Variants in AMZ1 observed in about 807,000 individuals in gnomAD.
AMZ1 encodes archaemetzincin-1.
Under a neutral mutation model 29.9 loss-of-function variants are expected in AMZ1, and 39 were observed. The observed-to-expected ratio is 1.30, with a 90% CI of 1.01 to 1.70. The LOEUF (loss-of-function observed/expected upper bound fraction) is 1.70, where lower values mean the gene tolerates loss of function less well. AMZ1 is among the 40% of genes most tolerant of loss of function. The pLI is 0.00. For missense variants in AMZ1, 1,041 were observed against 680.6 expected (o/e 1.53, Z -5.89); for synonymous variants, 458 against 304.0 (o/e 1.51, Z -5.27).
intron 4 of AMZ1, among the ~76,000 whole-genome samples, chr7:2,757,592 C>T (rs2115384829): frequency 6.6e-6 from 1 of 152,308 alleles, no homozygotes. Context: ...GAGCAGAGCA[C>T]GTGGCGAACT....
chr7:2,704,853 C>T (rs1231909391), intron 3 of AMZ1, among the ~76,000 whole-genome samples: 2 of 152,066 alleles, frequency 1.3e-5, no homozygotes, highest in East Asian at 1.9e-4. Flanking sequence ...GCCTCGGTCT[C>T]CCAAAGTGCT....
intron 4 of AMZ1, among the ~76,000 whole-genome samples, chr7:2,751,032 C>T (rs115935168): frequency 1.3e-5 from 2 of 152,088 alleles, no homozygotes; most frequent in Non-Finnish European, 2.9e-5. Flanking sequence ...GTTAAAATAT[C>T]AACACTTTTA....
chr7:2,721,491 T>G (rs752861743), downstream of AMZ1, among the ~76,000 whole-genome samples: 3 of 151,906 alleles, frequency 2.0e-5, no homozygotes, highest in Non-Finnish European at 2.9e-5. Context: ...CTGAGGTGGG[T>G]GGATCACGAG....
chr7:2,702,925 C>T (rs771828475), intron 3 of AMZ1, 36 bp downstream of exon 3: 65 of 1,545,234 alleles, frequency 4.2e-5, no homozygotes, highest in Admixed American at 1.8e-4. Context: ...CAGGCCAAGG[C>T]AGGCCCCTTC....
At position 2,702,745 on chromosome 7, in the gene AMZ1, AGCTCCCT is replaced by A. The variant is rs1562366357; in HGVS notation, c.332_338del (p.Ser111CysfsTer52). 1 of 1,538,146 alleles carries A rather than the reference AGCTCCCT, an allele frequency of 6.5e-7. No homozygotes were observed. Among genetic ancestry groups the A allele is most frequent in the Admixed American group, 2.0e-5 (1 of 50,960 alleles). Reference sequence around the variant, plus strand: ...AGACCTGAGCGAGGAGCCGGTGGGAAGCTCCCTGCTGCACCAGCTGTGCAGCTGCACA... The same window carrying A: ...AGACCTGAGCGAGGAGCCGGTGGGAAGCTGCACCAGCTGTGCAGCTGCACA... On this transcript the variant is annotated frameshift_variant, in exon 3 of 7. Coordinates refer to ENST00000683327, the MANE Select transcript of AMZ1 (RefSeq NM_001384743.1). LOFTEE classifies it high-confidence loss of function.
intron 3 of AMZ1, 113 bp downstream of exon 3, chr7:2,703,002 A>T: frequency 1.5e-6 from 2 of 1,377,112 alleles, no homozygotes; most frequent in South Asian, 2.8e-5. Context: ...TTTTGCTGGG[A>T]AACATCCATT....
intron 4 of AMZ1, among the ~76,000 whole-genome samples, chr7:2,736,067 CA>C (rs1790158236): frequency 6.6e-6 from 1 of 152,182 alleles, no homozygotes; most frequent in Non-Finnish European, 1.5e-5. Context: ...ACGGACTCCT[CA>C]AGTCTTACAG....
chr7:2,745,069 A>G (rs1030604991), intron 4 of AMZ1, among the ~76,000 whole-genome samples: 1 of 152,236 alleles, frequency 6.6e-6, no homozygotes, highest in African/African-American at 2.4e-5. Flanking sequence ...TGACAGGGAG[A>G]ATGGAACCAA....
intron 4 of AMZ1, among the ~76,000 whole-genome samples, chr7:2,754,238 G>A (rs1397894936): frequency 1.3e-5 from 2 of 152,204 alleles, no homozygotes; most frequent in East Asian, 1.9e-4. Context: ...AATGGCTGGA[G>A]AGGCTGGATG....
chr7:2,712,253 AAGG>A (rs1788828280), intron 6 of AMZ1, 74 bp from the exon 7 acceptor site: 1 of 1,434,748 alleles, frequency 7.0e-7, no homozygotes, highest in African/African-American at 1.4e-5. Flanking sequence ...CCCCTTAGGT[AAGG>A]AGGTCTCCTG....
At chr7:2,724,242 C>T (rs1404875551), downstream of AMZ1, among the ~76,000 whole-genome samples, 3 of 152,174 alleles carry the variant, frequency 2.0e-5, no homozygotes, top group Non-Finnish European at 4.4e-5. Flanking sequence ...CTTTAACAGA[C>T]GAGCTACACG....
chr7:2,724,215 G>A (rs575253995), downstream of AMZ1, among the ~76,000 whole-genome samples: 2 of 152,238 alleles, frequency 1.3e-5, no homozygotes, highest in East Asian at 3.9e-4. Context: ...CACTGCGCCC[G>A]GCCACTTCTG....
At position 2,709,195 on chromosome 7, in the gene AMZ1, G is replaced by T; in HGVS notation, c.722G>T (p.Arg241Met). 6.6e-7 allele frequency: 1 copy of T among 1,524,564 alleles called. No homozygotes were observed. Among genetic ancestry groups the T allele is most frequent in the Non-Finnish European group, 8.8e-7 (1 of 1,137,804 alleles). The allele number at this position is 1,524,564 out of a possible 1,614,324, so 94.4% of individuals were successfully genotyped here. A position where few individuals can be genotyped will look rare whatever the true frequency, so the allele number is the denominator to read the frequency against. ...ADGPEAPLQDRGWALCFSALG... is the reference protein window; with the variant it reads ...ADGPEAPLQDMGWALCFSALG... ...GGCCCCGAGGCCCCCCTGCAGGACA[G>T]GGGCTGGGCCCTGTGCTTCAGTGCC... Residue 241 changes from arginine to methionine, a missense_variant, in exon 5 of 7, where the codon AGG (arginine) becomes ATG (methionine). Transcript: ENST00000683327.
At chr7:2,756,706 T>C (rs1409072535) in intron 4 of AMZ1, among the ~76,000 whole-genome samples, 2 of 152,228 alleles carry the variant, frequency 1.3e-5, no homozygotes, top group Non-Finnish European at 1.5e-5. Context: ...TGAGCCTCGA[T>C]GACAGACGCC....
chr7:2,731,229 C>G lies in AMZ1; in HGVS notation n.550+21413C>G. ...GGTTCTCCTGCAGGATGGTGTCTTT[C>G]ACAGCATGGAACACGAAGCGGACGT... On this transcript the variant is annotated intron_variant and non_coding_transcript_variant, in intron 4 of 4. Coordinates refer to the AMZ1 transcript ENST00000489665. The surrounding 1 kb of genome is among the most constrained non-coding windows in gnomAD (Gnocchi z 6.0). 6.2e-7 allele frequency: 1 copy of G among 1,613,456 alleles called. No individual in the cohort carries two copies. The highest frequency in any genetic ancestry group is 1.1e-5 in the South Asian group (1 of 91,048).
chr7:2,687,004 C>T (rs1285439559), upstream of AMZ1, among the ~76,000 whole-genome samples: 3 of 151,794 alleles, frequency 2.0e-5, no homozygotes, highest in African/African-American at 4.8e-5. Flanking sequence ...TGAGCCACCA[C>T]GCCCAGCCGT....
chr7:2,704,916 T>C (rs1788263598), intron 3 of AMZ1, among the ~76,000 whole-genome samples: 1 of 152,108 alleles, frequency 6.6e-6, no homozygotes, highest in African/African-American at 2.4e-5. Flanking sequence ...TTTTTATAGG[T>C]CTCAGTTGCC....
upstream of AMZ1, among the ~76,000 whole-genome samples, chr7:2,685,010 C>T (rs1200186133): frequency 1.3e-5 from 2 of 151,746 alleles, no homozygotes; most frequent in African/African-American, 2.4e-5. Context: ...GCTGGGACTA[C>T]AGGCGCCCGC....
At position 2,712,196 on chromosome 7, in the gene AMZ1, C is replaced by T. The variant is rs190606025; in HGVS notation, c.949-134C>T. On this transcript the variant is annotated intron_variant, in intron 6 of 6. Coordinates refer to ENST00000683327, the MANE Select transcript of AMZ1 (RefSeq NM_001384743.1). Reference sequence around the variant, plus strand: ...AGGGTGCTGGTCACAAGAGCCCTCACACCACCAGCCTGACTCCCGCCCCTG... The same window carrying T: ...AGGGTGCTGGTCACAAGAGCCCTCATACCACCAGCCTGACTCCCGCCCCTG... 414 of 962,714 alleles carry T rather than the reference C, an allele frequency of 4.3e-4. 1 individual carries two copies. The highest frequency in any genetic ancestry group is 2.7e-3 in the Middle Eastern group (8 of 2,944). 59.6% of individuals were successfully genotyped at this position (962,714 alleles called of 1,614,324 possible).
Sources: allele counts gnomAD v4.1 joint callset (sites outside exome capture counted in the v4.1 genomes callset), GRCh38; gene constraint gnomAD v4.1.1; non-coding constraint Gnocchi (gnomAD v3.1); transcripts MANE v1.5; gene names NCBI Gene and HGNC (gene_info 2026-07-23, HGNC 2026-07-21).